Variants in TSHZ2 observed in about 807,000 individuals in gnomAD.
TSHZ2 encodes teashirt zinc finger homeobox 2.
TSHZ2 carries 21 observed loss-of-function variants against 74.4 expected under a neutral mutation model. That is an observed-to-expected ratio of 0.28 (90% CI 0.20 to 0.41). The LOEUF (loss-of-function observed/expected upper bound fraction) is 0.41. Ranked by LOEUF, TSHZ2 falls within the 10% of genes least tolerant of loss-of-function variation. The pLI is 1.00. For missense variants in TSHZ2, 1,244 were observed against 1,293.5 expected, an observed-to-expected ratio of 0.96 and a Z score of 0.59; for synonymous variants, 540 against 515.3, an observed-to-expected ratio of 1.05 and a Z score of -0.65.
chr20:53,405,415 G>A (rs1447766052), intron 2 of TSHZ2, among the ~76,000 whole-genome samples: 1 of 152,146 alleles, frequency 6.6e-6, no homozygotes, highest in African/African-American at 2.4e-5. Flanking sequence ...ATTTGAGGAA[G>A]TCAGCACTTG....
chr20:52,988,606 G>C (rs954801444), intron 1 of TSHZ2, among the ~76,000 whole-genome samples: 4 of 150,050 alleles, frequency 2.7e-5, no homozygotes, highest in Non-Finnish European at 4.4e-5. Flanking sequence ...AAAAAAAAAA[G>C]ATCATCCCTA....
rs1981184533 is a variant in TSHZ2 at position 52,973,057 on chromosome 20, A to G, written c.-237A>G. On this transcript the variant is annotated 5_prime_UTR_variant, in exon 1 of 3. Coordinates refer to ENST00000371497, the MANE Select transcript of TSHZ2 (RefSeq NM_173485.6). ...ACAAACAAACAAACAAGGCAGAACCAACCTCTACTTCAAAGCAGCCGGCAC... is the reference window on the plus strand; with the variant it reads ...ACAAACAAACAAACAAGGCAGAACCGACCTCTACTTCAAAGCAGCCGGCAC... 4.1e-6 allele frequency: 2 copies of G among 486,868 alleles called. No homozygotes were observed. Among genetic ancestry groups the G allele is most frequent in the Non-Finnish European group, 7.3e-6 (2 of 273,992 alleles). 30.2% of individuals were successfully genotyped at this position (486,868 alleles called of 1,614,324 possible).
At chr20:53,045,576 T>C (rs914488191) in intron 1 of TSHZ2, among the ~76,000 whole-genome samples, 1 of 152,226 alleles carries the variant, frequency 6.6e-6, no homozygotes, top group African/African-American at 2.4e-5. Flanking sequence ...TTCATTCACC[T>C]AAGGAATCAG....
chr20:53,122,749 T>C (rs1377627303), intron 1 of TSHZ2, among the ~76,000 whole-genome samples: 1 of 152,156 alleles, frequency 6.6e-6, no homozygotes, highest in Non-Finnish European at 1.5e-5. Context: ...ACCAAAGATA[T>C]TGAATCCCTG....
intron 1 of TSHZ2, among the ~76,000 whole-genome samples, chr20:53,089,891 G>A (rs542811450): frequency 6.6e-6 from 1 of 152,344 alleles, no homozygotes; most frequent in African/African-American, 2.4e-5. Context: ...TAGGATAGAT[G>A]TATATATCAA....
chr20:53,233,736 A>T (rs1989878321), intron 1 of TSHZ2, among the ~76,000 whole-genome samples: 1 of 152,184 alleles, frequency 6.6e-6, no homozygotes, highest in African/African-American at 2.4e-5. Flanking sequence ...GAGAAGGAGG[A>T]AGAACTTGGA....
intron 1 of TSHZ2, among the ~76,000 whole-genome samples, chr20:53,043,793 A>C (rs777366276): frequency 2.6e-5 from 4 of 152,094 alleles, no homozygotes. Context: ...AAAAAAAAAA[A>C]CTGATACCTG....
intron 2 of TSHZ2, among the ~76,000 whole-genome samples, chr20:53,405,431 A>G (rs577440850): frequency 6.6e-6 from 1 of 152,282 alleles, no homozygotes; most frequent in East Asian, 1.9e-4. Context: ...ACTTGAAGGT[A>G]GGTAGAAAAC....
At chr20:53,027,151 T>C (rs1284478459) in intron 1 of TSHZ2, among the ~76,000 whole-genome samples, 1 of 152,182 alleles carries the variant, frequency 6.6e-6, no homozygotes, top group Non-Finnish European at 1.5e-5. Flanking sequence ...AATACATCTA[T>C]GATTATTTTC....
intron 2 of TSHZ2, among the ~76,000 whole-genome samples, chr20:53,296,688 T>G (rs1475715296): frequency 6.6e-6 from 1 of 152,246 alleles, no homozygotes; most frequent in Non-Finnish European, 1.5e-5. Flanking sequence ...CTTTATATTT[T>G]TGGTCCAAGG....
intron 1 of TSHZ2, among the ~76,000 whole-genome samples, chr20:53,060,184 G>A (rs1984773463): frequency 6.6e-6 from 1 of 152,194 alleles, no homozygotes; most frequent in African/African-American, 2.4e-5. Flanking sequence ...CGGCCATTAA[G>A]AAACTAAAGA....
At chr20:53,151,543 G>C (rs1987677624) in intron 1 of TSHZ2, among the ~76,000 whole-genome samples, 1 of 152,162 alleles carries the variant, frequency 6.6e-6, no homozygotes. Context: ...GTGAGGAATA[G>C]CATCTTGTAT....
At chr20:53,261,891 C>A (rs142803053) in intron 2 of TSHZ2, among the ~76,000 whole-genome samples, 2 of 152,102 alleles carry the variant, frequency 1.3e-5, no homozygotes, top group Non-Finnish European at 2.9e-5. Flanking sequence ...AAATTAAAAA[C>A]GTCTTTGCGA....
At chr20:53,118,531 G>A (rs1334426452) in intron 1 of TSHZ2, among the ~76,000 whole-genome samples, 1 of 152,190 alleles carries the variant, frequency 6.6e-6, no homozygotes, top group African/African-American at 2.4e-5. Context: ...CTGAAGCACA[G>A]GCAGAGGGCT....
At position 53,217,832 on chromosome 20, in the gene TSHZ2, A is replaced by G. The variant is rs151085055; in HGVS notation, c.41-35667A>G. On this transcript the variant is annotated intron_variant, in intron 1 of 2. Transcript: ENST00000371497. ...ACTTACTATCTCATTTAAGTTTCAC[A>G]TAATCCTGTGATATCATTACTGGTT... Among the ~76,000 whole-genome samples the G allele has an allele frequency of 2.0e-5, 3 of 152,348 alleles. No homozygotes were observed. In the East Asian group the frequency reaches 5.8e-4, roughly 29 times the overall value.
chr20:53,333,075 C>A (rs1259469801), intron 2 of TSHZ2, among the ~76,000 whole-genome samples: 2 of 152,202 alleles, frequency 1.3e-5, no homozygotes, highest in African/African-American at 4.8e-5. Flanking sequence ...CTCTTCTATC[C>A]CATAAGCTCC....
chr20:53,280,942 C>G (rs541188577), intron 2 of TSHZ2, among the ~76,000 whole-genome samples: 1 of 152,186 alleles, frequency 6.6e-6, no homozygotes, highest in Admixed American at 6.5e-5. Context: ...TCCGCCCACT[C>G]ATCCTCCCAA....
At chr20:53,012,540 C>T (rs558688271) in intron 1 of TSHZ2, among the ~76,000 whole-genome samples, 1 of 152,204 alleles carries the variant, frequency 6.6e-6, no homozygotes, top group South Asian at 2.1e-4. Context: ...TTTTCCAGAA[C>T]CCCAAGCAGC....
chr20:53,278,064 G>A (rs1362734510), intron 2 of TSHZ2, among the ~76,000 whole-genome samples: 1 of 152,146 alleles, frequency 6.6e-6, no homozygotes, highest in Non-Finnish European at 1.5e-5. Context: ...AATGAGAAGA[G>A]CTACCATTTC....
Sources: gnomAD v4.1 joint callset for allele counts (sites outside exome capture counted in the v4.1 genomes callset) on GRCh38, gnomAD v4.1.1 for gene constraint, MANE v1.5 for transcripts, NCBI Gene and HGNC (gene_info 2026-07-23, HGNC 2026-07-21) for gene names.